The following KCTD8 variants were observed in gnomAD, a reference collection of about 807,000 sequenced individuals.
The protein encoded by KCTD8 is potassium channel tetramerization domain containing 8.
In KCTD8, 27 loss-of-function variants were observed where a neutral mutation model predicts 31.5. The observed-to-expected ratio is 0.86, with a 90% CI of 0.63 to 1.18. KCTD8 has a LOEUF of 1.18. Among genes scored for constraint, KCTD8 ranks in the 50% most tolerant of loss-of-function variants. The pLI, the probability that KCTD8 is intolerant of heterozygous loss-of-function variation, is 0.00. For synonymous variants in KCTD8, 290 were observed against 280.0 expected, an observed-to-expected ratio of 1.04 and a Z score of -0.36; for missense variants, 658 against 647.7, an observed-to-expected ratio of 1.02 and a Z score of -0.17.
chr4:44,350,820 C>T (rs1437435457), intron 1 of KCTD8, among the ~76,000 whole-genome samples: 1 of 152,066 alleles, frequency 6.6e-6, no homozygotes, highest in Non-Finnish European at 1.5e-5. Flanking sequence ...TGCCCTAATT[C>T]AGCCTAAGTC....
chr4:44,373,657 C>G (rs1371307280), intron 1 of KCTD8, among the ~76,000 whole-genome samples: 1 of 152,136 alleles, frequency 6.6e-6, no homozygotes. Flanking sequence ...CCAGGACTAA[C>G]ATGATTCCTG....
intron 1 of KCTD8, among the ~76,000 whole-genome samples, chr4:44,191,498 G>A (rs777954753): frequency 2.6e-5 from 4 of 152,150 alleles, no homozygotes; most frequent in Admixed American, 6.5e-5. Context: ...GCAAGTAGGA[G>A]AGATAGTGCT....
chr4:44,239,048 G>T (rs777398027), intron 1 of KCTD8, among the ~76,000 whole-genome samples: 11 of 152,290 alleles, frequency 7.2e-5, no homozygotes, highest in Non-Finnish European at 1.6e-4. Flanking sequence ...CTAGTCACGT[G>T]CAGGGGTAAA....
intron 1 of KCTD8, among the ~76,000 whole-genome samples, chr4:44,196,528 A>G (rs1284075471): frequency 2.6e-5 from 4 of 152,194 alleles, no homozygotes; most frequent in African/African-American, 9.6e-5. Context: ...TGAAGAAGAA[A>G]CAAAGTTGGG....
chr4:44,189,542 G>A (rs1560390110), intron 1 of KCTD8, among the ~76,000 whole-genome samples: 1 of 151,942 alleles, frequency 6.6e-6, no homozygotes, highest in Non-Finnish European at 1.5e-5. Context: ...GAATAACGAG[G>A]TTAATAGGGA....
chr4:44,320,948 A>C lies in KCTD8; in HGVS notation c.961+126615T>G, dbSNP rs568162506. Among the ~76,000 whole-genome samples, 8 of 152,344 alleles carry C rather than the reference A, an allele frequency of 5.3e-5. No individual in the cohort carries two copies. In the South Asian group the frequency reaches 1.7e-3, roughly 32 times the overall value. ...ATAACAAGATTTAAGTGAGAGGAGA[A>C]GCCTGATAGTGAAACTGGAAGGTGC... On this transcript the variant is annotated intron_variant, in intron 1 of 1. Coordinates refer to ENST00000360029, the MANE Select transcript of KCTD8 (RefSeq NM_198353.3).
intron 1 of KCTD8, among the ~76,000 whole-genome samples, chr4:44,435,331 G>C (rs986042323): frequency 2.0e-5 from 3 of 151,938 alleles, no homozygotes; most frequent in African/African-American, 7.2e-5. Context: ...GGTAAGCCAA[G>C]ATCTCTGATT....
intron 1 of KCTD8, among the ~76,000 whole-genome samples, chr4:44,419,000 T>C (rs951578723): frequency 1.2e-4 from 19 of 152,244 alleles, no homozygotes; most frequent in Admixed American, 6.5e-5. Flanking sequence ...TTAAACATTC[T>C]AACATTCAAC....
At chr4:44,361,237 C>G (rs1474706307) in intron 1 of KCTD8, among the ~76,000 whole-genome samples, 1 of 151,968 alleles carries the variant, frequency 6.6e-6, no homozygotes, top group Non-Finnish European at 1.5e-5. Flanking sequence ...GATCTGTATT[C>G]TTGTCAGAAC....
intron 1 of KCTD8, among the ~76,000 whole-genome samples, chr4:44,191,342 C>A (rs776060010): frequency 4.0e-4 from 61 of 151,944 alleles, no homozygotes; most frequent in Non-Finnish European, 7.9e-4. Flanking sequence ...TGTGTTTGAA[C>A]AATATGAAAT....
At chr4:44,303,941 A>G (rs1190726861) in intron 1 of KCTD8, among the ~76,000 whole-genome samples, 1 of 152,206 alleles carries the variant, frequency 6.6e-6, no homozygotes, top group Non-Finnish European at 1.5e-5. Context: ...TCTCAGCTGC[A>G]AGATAAATAC....
At chr4:44,444,034 C>T (rs564847596) in intron 1 of KCTD8, among the ~76,000 whole-genome samples, 82 of 152,156 alleles carry the variant, frequency 5.4e-4, no homozygotes, top group African/African-American at 2.0e-3. Flanking sequence ...GTATATGTTG[C>T]AGTGTACTAA....
chr4:44,276,389 T>C (rs189566658), intron 1 of KCTD8, among the ~76,000 whole-genome samples: 158 of 152,164 alleles, frequency 1.0e-3, no homozygotes, highest in Middle Eastern at 3.4e-3. Context: ...TTCTAAGTTA[T>C]ATAGTTGGCC....
intron 1 of KCTD8, among the ~76,000 whole-genome samples, chr4:44,326,991 TA>T (rs1368569618): frequency 6.6e-6 from 1 of 151,880 alleles, no homozygotes; most frequent in African/African-American, 2.4e-5. Flanking sequence ...AGTTTGGAAA[TA>T]AAATTGCACA....
At chr4:44,266,652 T>G (rs1177979339) in intron 1 of KCTD8, among the ~76,000 whole-genome samples, 8 of 150,568 alleles carry the variant, frequency 5.3e-5, no homozygotes, top group African/African-American at 2.0e-4. Context: ...GAAACCCATC[T>G]CACGTGCAGA....
chr4:44,284,205 C>T (rs1477821118), intron 1 of KCTD8, among the ~76,000 whole-genome samples: 1 of 152,118 alleles, frequency 6.6e-6, no homozygotes. Context: ...AAGCTGAACG[C>T]ATCATGTTAC....
chr4:44,351,960 TTTTA>T (rs745627866), intron 1 of KCTD8, among the ~76,000 whole-genome samples: 21 of 152,070 alleles, frequency 1.4e-4, no homozygotes, highest in Middle Eastern at 3.2e-3. Context: ...TAAGTATTTC[TTTTA>T]TTTATTTATT....
At chr4:44,310,168 A>T (rs573457094) in intron 1 of KCTD8, among the ~76,000 whole-genome samples, 1 of 152,272 alleles carries the variant, frequency 6.6e-6, no homozygotes, top group East Asian at 1.9e-4. Context: ...AAACTTATGT[A>T]GTCCAGTGAA....
At chr4:44,217,122 A>G (rs1248648652) in intron 1 of KCTD8, among the ~76,000 whole-genome samples, 2 of 152,188 alleles carry the variant, frequency 1.3e-5, no homozygotes, top group African/African-American at 4.8e-5. Context: ...TGCAGAGTAA[A>G]GTGAGTAGTT....
Sources: gnomAD v4.1 joint callset for allele counts (sites outside exome capture counted in the v4.1 genomes callset) on GRCh38, gnomAD v4.1.1 for gene constraint, MANE v1.5 for transcripts, NCBI Gene and HGNC (gene_info 2026-07-23, HGNC 2026-07-21) for gene names.